The following RPA3 variants were observed in gnomAD, a reference collection of about 807,000 sequenced individuals.
RPA3 encodes the protein replication protein A 14 kDa subunit.
In RPA3, 24 loss-of-function variants were observed where a neutral mutation model predicts 13.7. The ratio of observed to expected loss-of-function variants is 1.75; its 90% CI spans 1.27 to 2.46. The LOEUF (loss-of-function observed/expected upper bound fraction) is 2.46. Ranked by LOEUF, RPA3 falls within the 30% of genes most tolerant of loss-of-function variation. The pLI, the probability that RPA3 is intolerant of heterozygous loss-of-function variation, is 0.00. For missense variants in RPA3, 183 were observed against 151.0 expected, an observed-to-expected ratio of 1.21 and a Z score of -1.11; for synonymous variants, 59 against 51.2, an observed-to-expected ratio of 1.15 and a Z score of -0.65.
chr7:7,659,098 G>A (rs1785413200), intron 4 of RPA3, among the ~76,000 whole-genome samples: 2 of 152,102 alleles, frequency 1.3e-5, no homozygotes, highest in Non-Finnish European at 2.9e-5. Context: ...TGCGTAGCTT[G>A]TTTATAGTAT....
In RPA3 at chr7:7,717,536, A is replaced by G. The variant is rs533053357; in HGVS notation, c.-1080+979T>C. ...TTATTGTTTTGAAGTAAAATGTTTAAGGTATGCATGTATTTTTTATGATTT... is the reference window on the plus strand; with the variant it reads ...TTATTGTTTTGAAGTAAAATGTTTAGGGTATGCATGTATTTTTTATGATTT... On this transcript the variant is annotated intron_variant, in intron 1 of 7. Coordinates refer to ENST00000223129, the MANE Select transcript of RPA3 (RefSeq NM_002947.5). 4.7e-4 allele frequency among the ~76,000 whole-genome samples: 72 copies of G among 152,322 alleles called. 1 individual carries two copies. Among genetic ancestry groups the G allele is most frequent in the African/African-American group, 1.7e-3 (72 of 41,568 alleles).
chr7:7,645,567 C>T (rs940179482), intron 4 of RPA3, among the ~76,000 whole-genome samples: 39 of 152,182 alleles, frequency 2.6e-4, no homozygotes, highest in Admixed American at 1.6e-3. Flanking sequence ...GAGTATTCCC[C>T]GAAGTCCTTC....
chr7:7,692,589 A>T (rs1780198271), intron 2 of RPA3: 2 of 152,130 alleles, frequency 1.3e-5, no homozygotes, highest in South Asian at 4.1e-4. Flanking sequence ...ATTTATCATC[A>T]AAACACAAGC....
intron 4 of RPA3, among the ~76,000 whole-genome samples, chr7:7,654,228 C>G (rs1785290784): frequency 6.6e-6 from 1 of 152,184 alleles, no homozygotes; most frequent in Admixed American, 6.5e-5. Flanking sequence ...TACTTTGAGG[C>G]TCAAATTTAT....
chr7:7,694,949 T>G (rs910662812), intron 2 of RPA3, among the ~76,000 whole-genome samples: 13 of 152,328 alleles, frequency 8.5e-5, no homozygotes, highest in African/African-American at 3.1e-4. Flanking sequence ...TTTAGTTTTT[T>G]GAGGAACCTC....
intron 4 of RPA3, among the ~76,000 whole-genome samples, chr7:7,665,874 G>A (rs1583710180): frequency 1.5e-5 from 2 of 136,874 alleles, no homozygotes. Context: ...TCACTATTTT[G>A]TTTCCCTTTT....
chr7:7,675,858 G>A (rs1779726100), intron 4 of RPA3, among the ~76,000 whole-genome samples: 1 of 152,166 alleles, frequency 6.6e-6, no homozygotes. Context: ...CCAGATGTTG[G>A]CTGAGGCCTC....
chr7:7,657,048 G>T (rs955319498), intron 4 of RPA3, among the ~76,000 whole-genome samples: 2 of 152,058 alleles, frequency 1.3e-5, no homozygotes, highest in Non-Finnish European at 2.9e-5. Flanking sequence ...GTTTTGATTT[G>T]CATTTCTCTA....
In RPA3 at chr7:7,718,202, A is replaced by C. The variant is rs1278297465; in HGVS notation, c.-1080+313T>G. On this transcript the variant is annotated intron_variant, in intron 1 of 7. Transcript: ENST00000223129. Reference sequence around the variant, plus strand: ...GAGTGATTTTTCCAAATAATGTGTCAGCTGTAACTTGAATGTGTTATTTTT... The same window carrying C: ...GAGTGATTTTTCCAAATAATGTGTCCGCTGTAACTTGAATGTGTTATTTTT... 3.3e-5 allele frequency among the ~76,000 whole-genome samples: 5 copies of C among 152,200 alleles called. No individual in the cohort carries two copies. In the South Asian group the frequency reaches 8.3e-4, roughly 25 times the overall value.
At chr7:7,711,382 A>G (rs1015711922) in intron 2 of RPA3, among the ~76,000 whole-genome samples, 5 of 152,230 alleles carry the variant, frequency 3.3e-5, no homozygotes, top group Admixed American at 1.3e-4. Context: ...GGCTATGCAC[A>G]TGTTAACTTT....
chr7:7,653,295 A>G (rs1040121058), intron 4 of RPA3, among the ~76,000 whole-genome samples: 1 of 152,236 alleles, frequency 6.6e-6, no homozygotes, highest in African/African-American at 2.4e-5. Flanking sequence ...GTGTCACTGT[A>G]TCATTAATTT....
At chr7:7,671,779 C>T (rs1426880362) in intron 4 of RPA3, among the ~76,000 whole-genome samples, 1 of 152,014 alleles carries the variant, frequency 6.6e-6, no homozygotes, top group Non-Finnish European at 1.5e-5. Flanking sequence ...TCCTTGCTCT[C>T]TATAGAGAGT....
chr7:7,640,695 C>G lies in RPA3; in HGVS notation c.-277G>C, dbSNP rs1352035621. 2.3e-6 allele frequency: 1 copy of G among 439,498 alleles called. No individual in the cohort carries two copies. Among genetic ancestry groups the G allele is most frequent in the African/African-American group, 2.0e-5 (1 of 49,122 alleles). The allele number at this position is 439,498 out of a possible 1,614,324, so 27.2% of individuals were successfully genotyped here. A position where few individuals can be genotyped will look rare whatever the true frequency, so the allele number is the denominator to read the frequency against. On this transcript the variant is annotated 5_prime_UTR_variant, in exon 5 of 8. Coordinates refer to ENST00000223129, the MANE Select transcript of RPA3 (RefSeq NM_002947.5). ...AGGGCGAGAGGCAGTGGAGGCGGGACTTGGATAGGGGCGGAACCTGAGACT... is the reference window on the plus strand; with the variant it reads ...AGGGCGAGAGGCAGTGGAGGCGGGAGTTGGATAGGGGCGGAACCTGAGACT...
chr7:7,675,647 C>T (rs143140146), intron 4 of RPA3, among the ~76,000 whole-genome samples: 2 of 152,330 alleles, frequency 1.3e-5, no homozygotes, highest in African/African-American at 4.8e-5. Flanking sequence ...AATATGCTCT[C>T]AGTACCAGCT....
intron 4 of RPA3, among the ~76,000 whole-genome samples, chr7:7,659,008 T>C (rs2115086944): frequency 6.6e-6 from 1 of 152,318 alleles, no homozygotes; most frequent in Non-Finnish European, 1.5e-5. Flanking sequence ...ATTCAGGGAT[T>C]CGACTTCTTC....
intron 4 of RPA3, among the ~76,000 whole-genome samples, chr7:7,651,512 A>G (rs987052284): frequency 8.5e-5 from 13 of 152,084 alleles, no homozygotes; most frequent in Admixed American, 2.6e-4. Flanking sequence ...CCTCCTGTCC[A>G]TATTATTTTC....
chr7:7,681,597 C>T (rs1454209605), intron 4 of RPA3, among the ~76,000 whole-genome samples: 1 of 152,118 alleles, frequency 6.6e-6, no homozygotes, highest in East Asian at 1.9e-4. Context: ...GCTATTCCTT[C>T]ATTCAGTAAT....
chr7:7,640,597 A>G lies in RPA3; in HGVS notation c.-179T>C. Reference sequence around the variant, plus strand: ...CGCGCTGTCTCTGAAAGGGGTGGAGAAGGGGCTGGATGAGTCCGGAAGTGG... The same window carrying G: ...CGCGCTGTCTCTGAAAGGGGTGGAGGAGGGGCTGGATGAGTCCGGAAGTGG... On this transcript the variant is annotated 5_prime_UTR_variant, in exon 5 of 8. Transcript: ENST00000223129. The G allele has an allele frequency of 1.6e-6, 1 of 625,612 alleles. No individual in the cohort carries two copies. The highest frequency in any genetic ancestry group is 1.8e-5 in the South Asian group (1 of 54,606). 38.8% of individuals were successfully genotyped at this position (625,612 alleles called of 1,614,324 possible). A position where few individuals can be genotyped will look rare whatever the true frequency, so the allele number is the denominator to read the frequency against.
chr7:7,689,040 C>T (rs1170541093), intron 2 of RPA3, among the ~76,000 whole-genome samples: 2 of 152,154 alleles, frequency 1.3e-5, no homozygotes, highest in African/African-American at 4.8e-5. Context: ...GAGGGGCTTC[C>T]TTTACTTCCC....
Sources: allele counts gnomAD v4.1 joint callset (sites outside exome capture counted in the v4.1 genomes callset), GRCh38; gene constraint gnomAD v4.1.1; transcripts MANE v1.5; gene names NCBI Gene and HGNC (gene_info 2026-07-23, HGNC 2026-07-21).